CASD1: variants seen among roughly 807,000 people sequenced by gnomAD.
CASD1 encodes the protein N-acetylneuraminate (7)9-O-acetyltransferase.
CASD1 carries 41 observed loss-of-function variants against 100.0 expected under a neutral mutation model. The ratio of observed to expected loss-of-function variants is 0.41; its 90% CI spans 0.32 to 0.53. The LOEUF (loss-of-function observed/expected upper bound fraction) is 0.53, where lower values mean the gene tolerates loss of function less well. Among genes scored for constraint, CASD1 ranks in the 20% least tolerant of loss-of-function variants. CASD1 has a pLI of 0.25. For missense variants in CASD1, 774 were observed against 948.7 expected (o/e 0.82, Z 2.42); for synonymous variants, 321 against 315.6 (o/e 1.02, Z -0.18).
the CASD1 span, among the ~76,000 whole-genome samples, chr7:94,580,417 C>T: frequency 1.3e-5 from 2 of 152,270 alleles, no homozygotes; most frequent in South Asian, 4.1e-4. Context: ...AAATAATGCT[C>T]TTCTATCTGC....
the CASD1 span, among the ~76,000 whole-genome samples, chr7:94,580,960 C>A: frequency 6.6e-6 from 1 of 152,158 alleles, no homozygotes; most frequent in Non-Finnish European, 1.5e-5. Flanking sequence ...AACCATAGTC[C>A]ATGGGCTGGC....
chr7:94,582,847 T>G, the CASD1 span, among the ~76,000 whole-genome samples: 1 of 152,210 alleles, frequency 6.6e-6, no homozygotes, highest in African/African-American at 2.4e-5. Context: ...AGAACAAGCC[T>G]ATGTCTAATT....
intron 3 of CASD1, among the ~76,000 whole-genome samples, chr7:94,520,642 A>G (rs572703629): frequency 8.0e-4 from 122 of 152,316 alleles, no homozygotes; most frequent in Non-Finnish European, 1.6e-3. Flanking sequence ...ATGTCAAACC[A>G]ACTGGAGCCT....
At chr7:94,557,648 A>G (rs1484245633), downstream of CASD1, among the ~76,000 whole-genome samples, 2 of 152,194 alleles carry the variant, frequency 1.3e-5, no homozygotes, top group South Asian at 2.1e-4. Context: ...CAGTGAATAT[A>G]TGCTTTTCTC....
the CASD1 span, chr7:94,618,704 G>T: frequency 1.4e-6 from 2 of 1,443,858 alleles, no homozygotes; most frequent in Non-Finnish European, 1.9e-6. Flanking sequence ...AGTTTGATAA[G>T]ATCACCGTAT....
intron 5 of CASD1, 29 bp from the exon 6 acceptor site, chr7:94,533,176 T>C: frequency 6.4e-7 from 1 of 1,566,474 alleles, no homozygotes; most frequent in Non-Finnish European, 8.8e-7. Flanking sequence ...CTGATTATAA[T>C]ACTATGATAA....
At chr7:94,587,049 A>T in the CASD1 span, 1 of 984,950 alleles carries the variant, frequency 1.0e-6, no homozygotes, top group Non-Finnish European at 1.2e-6. Flanking sequence ...AGGAGAGCAA[A>T]GCTTTCTTGA....
At chr7:94,610,437 G>T in the CASD1 span, among the ~76,000 whole-genome samples, 3 of 152,104 alleles carry the variant, frequency 2.0e-5, no homozygotes, top group African/African-American at 4.8e-5. Context: ...GATAATGGGG[G>T]AGGCGATGCA....
chr7:94,560,587 A>G (rs531278461), downstream of CASD1, among the ~76,000 whole-genome samples: 30 of 152,346 alleles, frequency 2.0e-4, no homozygotes, highest in African/African-American at 5.8e-4. Context: ...ATTTGGATAT[A>G]TTATTTACAC....
chr7:94,547,340 A>G (rs1795729053), intron 13 of CASD1, among the ~76,000 whole-genome samples, 165 bp downstream of exon 13: 1 of 151,846 alleles, frequency 6.6e-6, no homozygotes, highest in Admixed American at 6.6e-5. Flanking sequence ...ATTTTGAGAT[A>G]TATATACTTT....
chr7:94,575,541 G>A, the CASD1 span, among the ~76,000 whole-genome samples: 1 of 152,156 alleles, frequency 6.6e-6, no homozygotes. Context: ...GGAGAGTTCT[G>A]TAGAGGTCCA....
intron 3 of CASD1, among the ~76,000 whole-genome samples, chr7:94,523,006 C>T (rs548753992): frequency 2.0e-5 from 3 of 152,270 alleles, no homozygotes; most frequent in Non-Finnish European, 4.4e-5. Flanking sequence ...CAAGTTCCAA[C>T]AATATCAGAG....
the CASD1 span, chr7:94,624,319 A>G: frequency 2.5e-6 from 1 of 397,900 alleles, no homozygotes; most frequent in African/African-American, 2.1e-5. Flanking sequence ...TAAAACAAAT[A>G]TCAAAGATTT....
At chr7:94,587,247 A>C in the CASD1 span, 2 of 985,994 alleles carry the variant, frequency 2.0e-6, no homozygotes, top group East Asian at 1.1e-4. Context: ...ACTTGCTAAA[A>C]AATCTATGTG....
chr7:94,570,203 T>C, the CASD1 span, among the ~76,000 whole-genome samples: 4 of 152,216 alleles, frequency 2.6e-5, no homozygotes, highest in East Asian at 1.9e-4. Context: ...GCCTGTCTTA[T>C]TATTTTTTTG....
At chr7:94,530,889 C>A (rs1312870314) in intron 5 of CASD1, among the ~76,000 whole-genome samples, 1 of 152,004 alleles carries the variant, frequency 6.6e-6, no homozygotes, top group Non-Finnish European at 1.5e-5. Context: ...AAATCACATA[C>A]AGGGGAGGTA....
the CASD1 span, chr7:94,587,441 G>C: frequency 1.7e-6 from 2 of 1,177,308 alleles, no homozygotes; most frequent in African/African-American, 3.2e-5. Flanking sequence ...AATCTTAGGC[G>C]AGATGGAAGC....
At chr7:94,608,009 A>C in the CASD1 span, among the ~76,000 whole-genome samples, 1 of 152,204 alleles carries the variant, frequency 6.6e-6, no homozygotes, top group Non-Finnish European at 1.5e-5. Context: ...AATAAAGTCC[A>C]TCACTTTCCT....
At chr7:94,622,379 G>GC in the CASD1 span, 1 of 152,286 alleles carries the variant, frequency 6.6e-6, no homozygotes, top group Admixed American at 6.6e-5. Context: ...TGTAATCCCA[G>GC]CACTTTGGAA....
Sources: allele counts gnomAD v4.1 joint callset (sites outside exome capture counted in the v4.1 genomes callset), GRCh38; gene constraint gnomAD v4.1.1; transcripts MANE v1.5; gene names NCBI Gene and HGNC (gene_info 2026-07-23, HGNC 2026-07-21).